The following CCM2 variants were observed in gnomAD, a reference collection of about 807,000 sequenced individuals.
The protein encoded by CCM2 is cerebral cavernous malformations 2 protein.
Under a neutral mutation model 44.9 loss-of-function variants are expected in CCM2, and 25 were observed. The observed-to-expected ratio is 0.56, with a 90% confidence interval of 0.41 to 0.78. The LOEUF (loss-of-function observed/expected upper bound fraction) is 0.78, where lower values mean the gene tolerates loss of function less well. Among genes scored for constraint, CCM2 ranks in the 30% least tolerant of loss-of-function variants. The pLI is 0.00. For missense variants in CCM2, 481 were observed against 580.6 expected, an observed-to-expected ratio of 0.83 and a Z score of 1.76; for synonymous variants, 219 against 241.1, an observed-to-expected ratio of 0.91 and a Z score of 0.85.
intron 1 of CCM2, among the ~76,000 whole-genome samples, chr7:45,034,684 A>T (rs967269358): frequency 1.3e-5 from 2 of 148,514 alleles, no homozygotes; most frequent in Non-Finnish European, 3.0e-5. Flanking sequence ...ACACCCAGCT[A>T]ATTTTTGTTA....
rs376855404 is a variant in CCM2 at position 45,038,434 on chromosome 7, G to A, written c.204+8G>A. ...ATTGAGAAGGAGGTAAAGGTAAGTCGTCATGGGCCACAGGACGTGCCTGCC... is the reference window on the plus strand; with the variant it reads ...ATTGAGAAGGAGGTAAAGGTAAGTCATCATGGGCCACAGGACGTGCCTGCC... On this transcript the variant is annotated splice_region_variant and intron_variant, in intron 2 of 9. Coordinates refer to ENST00000258781, the MANE Select transcript of CCM2 (RefSeq NM_031443.4). 3.1e-6 allele frequency: 5 copies of A among 1,613,634 alleles called. No homozygotes were observed. The highest frequency in any genetic ancestry group is 1.7e-4 in the Middle Eastern group (1 of 6,036).
chr7:45,066,593 C>G (rs1182393802), intron 4 of CCM2, among the ~76,000 whole-genome samples: 5 of 152,210 alleles, frequency 3.3e-5, no homozygotes, highest in Non-Finnish European at 4.4e-5. Flanking sequence ...TGGGATAGCA[C>G]AGGAGTGGGG....
At chr7:45,010,046 A>G (rs1796007474) in intron 1 of CCM2, among the ~76,000 whole-genome samples, 1 of 151,966 alleles carries the variant, frequency 6.6e-6, no homozygotes, top group African/African-American at 2.4e-5. Context: ...AGTAGCTAGG[A>G]CTAAATGGGT....
chr7:45,072,467 T>C, intron 6 of CCM2: 2 of 595,656 alleles, frequency 3.4e-6, no homozygotes, highest in Non-Finnish European at 6.1e-6. Flanking sequence ...CATGGGTGAA[T>C]GTGTACTTCA....
intron 2 of CCM2, among the ~76,000 whole-genome samples, chr7:45,054,935 A>G (rs1375461743): frequency 6.6e-6 from 1 of 152,228 alleles, no homozygotes; most frequent in Non-Finnish European, 1.5e-5. Flanking sequence ...CAGATATTAG[A>G]ACAAGGATTA....
intron 2 of CCM2, among the ~76,000 whole-genome samples, chr7:45,047,149 C>A (rs754532205): frequency 1.3e-5 from 2 of 152,204 alleles, no homozygotes; most frequent in African/African-American, 2.4e-5. Context: ...CTCTAGAAAG[C>A]AGTCTGGCAG....
chr7:45,037,869 T>G (rs1206502918), intron 1 of CCM2, among the ~76,000 whole-genome samples: 1 of 152,236 alleles, frequency 6.6e-6, no homozygotes, highest in East Asian at 1.9e-4. Context: ...TTCCTGGAGT[T>G]CTCAGAAATG....
At chr7:45,063,843 G>A (rs1583968154) in intron 2 of CCM2, 75 bp from the exon 3 acceptor site, 2 of 1,016,586 alleles carry the variant, frequency 2.0e-6, no homozygotes, top group East Asian at 4.7e-5. Context: ...CTTGGTTTGT[G>A]CTCTCGGTGG....
At chr7:45,054,262 TG>T (rs969468921) in intron 2 of CCM2, among the ~76,000 whole-genome samples, 3 of 151,954 alleles carry the variant, frequency 2.0e-5, no homozygotes, top group African/African-American at 4.8e-5. Context: ...AAGGAGTGTG[TG>T]GGGGGCTTCT....
rs56028225 is a variant in CCM2, at chr7:45,073,174, T to C, written c.804-286T>C. ...TCCATTCCTGCCACCTCCCCAACCC[T>C]GGCTCCTTCCCCTGCCCAACAATGC... On this transcript the variant is annotated intron_variant, in intron 7 of 9. Coordinates refer to ENST00000258781, the MANE Select transcript of CCM2 (RefSeq NM_031443.4). 0.21 allele frequency: 122,703 copies of C among 573,454 alleles called. 13,500 individuals are homozygous for C. Among genetic ancestry groups the C allele is most frequent in the Admixed American group, 0.28 (9,280 of 33,306 alleles). 35.5% of individuals were successfully genotyped at this position (573,454 alleles called of 1,614,324 possible).
At chr7:45,041,311 A>G (rs1797486987) in intron 2 of CCM2, among the ~76,000 whole-genome samples, 1 of 152,244 alleles carries the variant, frequency 6.6e-6, no homozygotes, top group East Asian at 1.9e-4. Flanking sequence ...TTCTGGGAAG[A>G]TGAAGTAGAC....
intron 2 of CCM2, among the ~76,000 whole-genome samples, chr7:45,049,898 A>G (rs1184799853): frequency 1.3e-5 from 2 of 152,254 alleles, no homozygotes; most frequent in Non-Finnish European, 2.9e-5. Context: ...AAATAATACA[A>G]ATTTAAAAAA....
Position 45,038,350 on chromosome 7 carries a change from A to G in CCM2, c.128A>G (p.His43Arg). 1 of 1,614,170 alleles carries G rather than the reference A, an allele frequency of 6.2e-7. No individual in the cohort carries two copies. Among genetic ancestry groups the G allele is most frequent in the Middle Eastern group, 1.6e-4 (1 of 6,062 alleles). The change falls in exon 2 of 10, where the codon CAC becomes CGC. Residue 43 changes from histidine (H) to arginine (R), a missense_variant. Physicochemically the swap from His to Arg is conservative, Grantham distance 29 (BLOSUM62 0). Coordinates refer to ENST00000258781, the MANE Select transcript of CCM2 (RefSeq NM_031443.4). The stretch of plus-strand genomic sequence containing the variant: ...AAGGTGACAGAGAGGCGCCCTCTGC[A>G]CACTGTGGTGTTGTCATTGCCTGAG... ...HEKVTERRPLHTVVLSLPERV... is the reference protein window; with the variant it reads ...HEKVTERRPLRTVVLSLPERV...
At chr7:45,025,684 G>A (rs1440130680) in intron 1 of CCM2, among the ~76,000 whole-genome samples, 3 of 152,054 alleles carry the variant, frequency 2.0e-5, no homozygotes, top group East Asian at 1.9e-4. Flanking sequence ...ACAGGCATGC[G>A]CCATCACGCC....
At position 45,038,421 on chromosome 7, in the gene CCM2, G is replaced by A. The variant is rs1288934031; in HGVS notation, c.199G>A (p.Val67Ile). The A allele has an allele frequency of 6.2e-7, 1 of 1,613,850 alleles. No individual in the cohort carries two copies. The highest frequency in any genetic ancestry group is 8.5e-7 in the Non-Finnish European group (1 of 1,180,018). Residue 67 changes from valine (V) to isoleucine (I), a missense_variant, in exon 2 of 10, where the codon GTA becomes ATA. Physicochemically the swap from Val to Ile is conservative, Grantham distance 29. Transcript: ENST00000258781. ...RLLSDYIEKE[V>I]KYLGQLTSIP... ...GCTGAGCGACTATATTGAGAAGGAG[G>A]TAAAGGTAAGTCGTCATGGGCCACA... is the stretch of plus-strand genomic sequence containing the variant.
intron 1 of CCM2, among the ~76,000 whole-genome samples, chr7:45,018,523 A>AT (rs942878855): frequency 1.1e-4 from 17 of 150,662 alleles, no homozygotes; most frequent in East Asian, 7.8e-4. Context: ...CGCCCAGCTA[A>AT]TTTTTTTTTG....
At chr7:45,035,305 T>C (rs1446905930) in intron 1 of CCM2, among the ~76,000 whole-genome samples, 1 of 152,198 alleles carries the variant, frequency 6.6e-6, no homozygotes. Flanking sequence ...AATTCAAATA[T>C]TAAAAAAATA....
intron 9 of CCM2, among the ~76,000 whole-genome samples, chr7:45,074,717 T>C (rs1228104175): frequency 6.6e-6 from 1 of 151,666 alleles, no homozygotes; most frequent in Non-Finnish European, 1.5e-5. Flanking sequence ...GGGCTGGGAG[T>C]GAACACAACC....
At chr7:45,071,998 G>A in intron 6 of CCM2, 1 of 377,556 alleles carries the variant, frequency 2.6e-6, no homozygotes, top group Non-Finnish European at 5.3e-6. Context: ...TGTTCCTAGT[G>A]CCAGAAATGT....
Sources: allele counts gnomAD v4.1 joint callset (sites outside exome capture counted in the v4.1 genomes callset), GRCh38; gene constraint gnomAD v4.1.1; transcripts MANE v1.5; gene names NCBI Gene and HGNC (gene_info 2026-07-23, HGNC 2026-07-21).